The following SCAF4 variants were observed in gnomAD, a reference collection of about 807,000 sequenced individuals.
SCAF4 encodes SR-related and CTD-associated factor 4.
Under a neutral mutation model 129.8 loss-of-function variants are expected in SCAF4, and 25 were observed. That is an observed-to-expected ratio of 0.19 (90% CI 0.14 to 0.27). The LOEUF is 0.27. Among genes scored for constraint, SCAF4 ranks in the 10% least tolerant of loss-of-function variants. SCAF4 has a pLI of 1.00. For missense variants in SCAF4, 1,246 were observed against 1,457.1 expected, an observed-to-expected ratio of 0.86 and a Z score of 2.36; for synonymous variants, 551 against 497.7, an observed-to-expected ratio of 1.11 and a Z score of -1.43.
intron 14 of SCAF4, among the ~76,000 whole-genome samples, chr21:31,691,350 A>C (rs1179696622): frequency 2.0e-5 from 3 of 152,214 alleles, no homozygotes; most frequent in Non-Finnish European, 2.9e-5. Flanking sequence ...AGTGCAATCC[A>C]GCGGTAGAAT....
At chr21:31,693,654 T>C (rs1568838561) in intron 11 of SCAF4, among the ~76,000 whole-genome samples, 170 bp from the exon 12 acceptor site, 1 of 152,192 alleles carries the variant, frequency 6.6e-6, no homozygotes, top group Non-Finnish European at 1.5e-5. Flanking sequence ...AAATTAGAAA[T>C]CATGCACATT....
intron 1 of SCAF4, among the ~76,000 whole-genome samples, chr21:31,722,906 T>A (rs1205033874): frequency 6.6e-6 from 1 of 152,188 alleles, no homozygotes; most frequent in Non-Finnish European, 1.5e-5. Context: ...TGAGCTGCGA[T>A]TGCGCCACTG....
intron 19 of SCAF4, among the ~76,000 whole-genome samples, chr21:31,673,489 C>A (rs914505393): frequency 7.6e-6 from 1 of 132,210 alleles, no homozygotes; most frequent in African/African-American, 3.2e-5. Context: ...ATGCTGATTA[C>A]CACAGCAAAA....
chr21:31,688,181 A>G (rs751454911), intron 16 of SCAF4, 126 bp downstream of exon 16: 8 of 616,864 alleles, frequency 1.3e-5, no homozygotes, highest in Non-Finnish European at 2.0e-5. Context: ...ATAAAACATG[A>G]AAAATGTAAT....
chr21:31,715,082 T>C (rs1461821181), intron 1 of SCAF4, among the ~76,000 whole-genome samples: 1 of 152,162 alleles, frequency 6.6e-6, no homozygotes, highest in Admixed American at 6.6e-5. Flanking sequence ...GCAACACAAA[T>C]TACACTTTTG....
intron 7 of SCAF4, chr21:31,700,742 T>C (rs1296282872): frequency 1.4e-5 from 2 of 140,634 alleles, no homozygotes; most frequent in Non-Finnish European, 2.6e-5. Flanking sequence ...TAACTTTTTC[T>C]TTTTTTTTTT....
chr21:31,717,364 A>C (rs1048728931), intron 1 of SCAF4, among the ~76,000 whole-genome samples: 2 of 152,150 alleles, frequency 1.3e-5, no homozygotes, highest in African/African-American at 4.8e-5. Flanking sequence ...CAAGTGGAGG[A>C]GAAAAAAAGA....
At position 31,672,194 on chromosome 21, in the gene SCAF4, C is replaced by T. The variant is rs776467137; in HGVS notation, c.2649G>A (p.Pro883=). The T allele has an allele frequency of 3.2e-5, 52 of 1,605,384 alleles. 1 individual carries two copies. The South Asian group carries it at 3.3e-4, about 10-fold the overall frequency. Residue 883 remains proline, a synonymous_variant, in exon 20 of 20, where the codon CCG becomes CCA. Transcript: ENST00000286835. ...FPLMPPRPMP[P]HMMHRGPPPG... ...GCGGTGGGCCTCTGTGCATCATGTGCGGTGGCATGGGACGGGGCGGCATCA... is the reference window on the plus strand; with the variant it reads ...GCGGTGGGCCTCTGTGCATCATGTGTGGTGGCATGGGACGGGGCGGCATCA...
intron 19 of SCAF4, chr21:31,683,955 C>T (rs1345249498): frequency 1.3e-5 from 2 of 153,410 alleles, no homozygotes; most frequent in Non-Finnish European, 2.9e-5. Flanking sequence ...CTATTATCAG[C>T]CTAAGCTTAG....
chr21:31,686,084 T>A (rs2050114943), intron 16 of SCAF4, among the ~76,000 whole-genome samples: 2 of 151,548 alleles, frequency 1.3e-5, no homozygotes. Context: ...GCACCTGTAA[T>A]CCCAGCTACT....
chr21:31,694,933 A>C lies in SCAF4; in HGVS notation c.1116T>G (p.Pro372=), dbSNP rs1353699598. Residue 372 remains proline (P), a synonymous_variant, in exon 10 of 20, where the codon CCT becomes CCG. Transcript: ENST00000286835. ...GAGCCATGGGAGGAAATGGAGGTGT[A>C]GGAAGAAGTCCAAATCCTGGCATTT... ...NGQMPGFGLL[P]TPPFPPMAQP... is the part of the protein sequence containing the mutation. The C allele has an allele frequency of 2.5e-6, 4 of 1,614,130 alleles. 1 individual carries two copies. The South Asian group carries it at 4.4e-5, about 18-fold the overall frequency.
intron 9 of SCAF4, among the ~76,000 whole-genome samples, chr21:31,695,734 T>G (rs1175611797): frequency 6.6e-6 from 1 of 152,194 alleles, no homozygotes; most frequent in Non-Finnish European, 1.5e-5. Context: ...CTCCTTTTAT[T>G]GCGGATTTCA....
intron 1 of SCAF4, among the ~76,000 whole-genome samples, chr21:31,709,360 A>AG (rs2050744110): frequency 4.0e-5 from 6 of 151,842 alleles, no homozygotes; most frequent in African/African-American, 1.4e-4. Flanking sequence ...CAAAAAAAAA[A>AG]AAAAGAAAGA....
At chr21:31,700,423 GC>G (rs1322159357) in intron 7 of SCAF4, among the ~76,000 whole-genome samples, 1 of 151,478 alleles carries the variant, frequency 6.6e-6, no homozygotes, top group Non-Finnish European at 1.5e-5. Flanking sequence ...TTTTTTAACA[GC>G]AAAAAACTGA....
At chr21:31,704,676 T>C (rs2123598362) in intron 3 of SCAF4, among the ~76,000 whole-genome samples, 1 of 152,314 alleles carries the variant, frequency 6.6e-6, no homozygotes, top group African/African-American at 2.4e-5. Flanking sequence ...CATTTTTACT[T>C]TTATAAATGT....
intron 9 of SCAF4, among the ~76,000 whole-genome samples, 153 bp downstream of exon 9, chr21:31,695,960 A>C (rs1048511571): frequency 2.6e-5 from 4 of 152,236 alleles, no homozygotes; most frequent in African/African-American, 9.6e-5. Context: ...TTACAGAAAA[A>C]AGCAACTCAA....
At chr21:31,705,810 T>C (rs1008172195) in intron 2 of SCAF4, among the ~76,000 whole-genome samples, 1 of 152,210 alleles carries the variant, frequency 6.6e-6, no homozygotes, top group South Asian at 2.1e-4. Flanking sequence ...AAGTGTGATT[T>C]TGGGTAAGAC....
rs963666002 is a variant in SCAF4, at chr21:31,671,616, C to T, written c.3227G>A (p.Arg1076Gln). 4 of 1,614,022 alleles carry T rather than the reference C, an allele frequency of 2.5e-6. No individual in the cohort carries two copies. Among genetic ancestry groups the T allele is most frequent in the Non-Finnish European group, 3.4e-6 (4 of 1,180,034 alleles). Residue 1076 changes from arginine to glutamine, a missense_variant, in exon 20 of 20, where the codon CGA becomes CAA. Around this residue, in one of 6 missense-constraint regions of SCAF4, gnomAD observed 339 missense variants for 325.0 expected, o/e 1.04. Transcript: ENST00000286835. ...TGTCACCTCAGGCTTTTCCTTTCCTCGGGCTTCTTCCTTCTCTCTACGAGA... is the reference window on the plus strand; with the variant it reads ...TGTCACCTCAGGCTTTTCCTTTCCTTGGGCTTCTTCCTTCTCTCTACGAGA... ...RESRREKEEA[R>Q]GKEKPEVTDR...
intron 6 of SCAF4, 81 bp downstream of exon 6, chr21:31,701,695 T>C: frequency 7.0e-7 from 1 of 1,422,800 alleles, no homozygotes; most frequent in Non-Finnish European, 9.5e-7. Flanking sequence ...TTCAATGTGC[T>C]TATTAATGAA....
Sources: allele counts gnomAD v4.1 joint callset (sites outside exome capture counted in the v4.1 genomes callset), GRCh38; gene constraint gnomAD v4.1.1; regional missense constraint gnomAD v4.1.1; transcripts MANE v1.5; gene names NCBI Gene and HGNC (gene_info 2026-07-23, HGNC 2026-07-21).